SERGEF: variants seen among roughly 807,000 people sequenced by gnomAD.
The protein encoded by SERGEF is secretion-regulating guanine nucleotide exchange factor.
Under a neutral mutation model 50.0 loss-of-function variants are expected in SERGEF, and 51 were observed. The ratio of observed to expected loss-of-function variants is 1.02; its 90% CI spans 0.81 to 1.29. The LOEUF (loss-of-function observed/expected upper bound fraction) is 1.29, where lower values mean the gene tolerates loss of function less well. SERGEF is among the 50% of genes most tolerant of loss of function. The pLI, the probability that SERGEF is intolerant of heterozygous loss-of-function variation, is 0.00. For synonymous variants in SERGEF, 205 were observed against 212.4 expected (o/e 0.97, Z 0.30); for missense variants, 521 against 557.0 (o/e 0.94, Z 0.65).
intron 9 of SERGEF, among the ~76,000 whole-genome samples, chr11:17,886,053 G>C (rs1851422625): frequency 6.6e-6 from 1 of 152,084 alleles, no homozygotes; most frequent in South Asian, 2.1e-4. Context: ...CTGGATTTAA[G>C]TCCTGATGCC....
intron 10 of SERGEF, among the ~76,000 whole-genome samples, chr11:17,858,600 T>A (rs1850867663): frequency 6.6e-6 from 1 of 152,106 alleles, no homozygotes; most frequent in African/African-American, 2.4e-5. Context: ...TCATGTAGTA[T>A]CTCTTTTCAA....
chr11:17,811,412 T>C (rs1489440892), intron 10 of SERGEF, among the ~76,000 whole-genome samples: 1 of 152,236 alleles, frequency 6.6e-6, no homozygotes, highest in Admixed American at 6.5e-5. Context: ...AGACTTGTGA[T>C]GCAGGTTTAG....
At chr11:17,796,572 C>T (rs1849575258) in intron 10 of SERGEF, among the ~76,000 whole-genome samples, 2 of 152,176 alleles carry the variant, frequency 1.3e-5, no homozygotes, top group South Asian at 4.1e-4. Context: ...AGAAGGTCTT[C>T]CCCAGATGTG....
At chr11:17,979,826 G>T (rs148936690) in intron 8 of SERGEF, among the ~76,000 whole-genome samples, 1 of 152,220 alleles carries the variant, frequency 6.6e-6, no homozygotes, top group African/African-American at 2.4e-5. Context: ...GATGATCTTC[G>T]AAGTCCTTTT....
At chr11:17,984,345 C>G (rs148992835) in intron 8 of SERGEF, among the ~76,000 whole-genome samples, 2 of 152,138 alleles carry the variant, frequency 1.3e-5, no homozygotes, top group African/African-American at 4.8e-5. Context: ...GAAGCGGGAG[C>G]TTGGACATCA....
intron 10 of SERGEF, among the ~76,000 whole-genome samples, chr11:17,862,672 G>A (rs1378229731): frequency 6.6e-6 from 1 of 152,182 alleles, no homozygotes; most frequent in African/African-American, 2.4e-5. Context: ...ATACAGAGGG[G>A]CACTAGCATA....
chr11:18,009,348 G>T (rs1202213780), intron 1 of SERGEF, among the ~76,000 whole-genome samples: 1 of 152,076 alleles, frequency 6.6e-6, no homozygotes, highest in African/African-American at 2.4e-5. Flanking sequence ...CCCTTCTTAT[G>T]CTCCAGCCCC....
Position 17,809,186 on chromosome 11 carries a change from T to C in SERGEF, c.1049-20773A>G, listed in dbSNP as rs868809901. 1.3e-4 allele frequency among the ~76,000 whole-genome samples: 20 copies of C among 152,162 alleles called. No individual in the cohort carries two copies. The Middle Eastern group carries it at 0.01, about 78-fold the overall frequency. ...GGGAAGAAAGAGCATTCTAAGTAGA[T>C]AGAACAGTGGGAACAAAGACCTAGC... On this transcript the variant is annotated intron_variant, in intron 10 of 10. Transcript: ENST00000265965.
intron 9 of SERGEF, among the ~76,000 whole-genome samples, chr11:17,912,134 C>T (rs539695820): frequency 1.3e-5 from 2 of 152,208 alleles, no homozygotes; most frequent in South Asian, 4.1e-4. Flanking sequence ...GGGCTAAGAA[C>T]TGAATCTGGG....
intron 9 of SERGEF, among the ~76,000 whole-genome samples, chr11:17,882,774 G>A (rs1165222819): frequency 1.3e-5 from 2 of 152,160 alleles, no homozygotes; most frequent in African/African-American, 4.8e-5. Context: ...GACAGACCCT[G>A]ACATGCACAA....
intron 10 of SERGEF, among the ~76,000 whole-genome samples, chr11:17,798,796 T>C (rs1433025123): frequency 6.6e-6 from 1 of 152,228 alleles, no homozygotes; most frequent in Non-Finnish European, 1.5e-5. Flanking sequence ...CATATGGCGT[T>C]ATGGGCTTTT....
intron 9 of SERGEF, among the ~76,000 whole-genome samples, chr11:17,911,884 C>T (rs1851961247): frequency 6.6e-6 from 1 of 151,988 alleles, no homozygotes; most frequent in Admixed American, 6.6e-5. Context: ...AATGACAACT[C>T]ATTAATGGAA....
chr11:18,001,731 C>A (rs1216062572), intron 4 of SERGEF, among the ~76,000 whole-genome samples: 3 of 152,192 alleles, frequency 2.0e-5, no homozygotes, highest in African/African-American at 7.2e-5. Context: ...AAGCAAATAT[C>A]CCCCATTCAT....
At chr11:17,796,768 T>C (rs1849578036) in intron 10 of SERGEF, among the ~76,000 whole-genome samples, 2 of 152,160 alleles carry the variant, frequency 1.3e-5, no homozygotes, top group Admixed American at 1.3e-4. Context: ...AGGCAGGAGC[T>C]GAGGCAGCAG....
At chr11:17,828,293 G>T (rs906442440) in intron 10 of SERGEF, among the ~76,000 whole-genome samples, 4 of 152,310 alleles carry the variant, frequency 2.6e-5, no homozygotes, top group Middle Eastern at 6.8e-3. Flanking sequence ...CTTCCTTCAA[G>T]AATTTTCTCT....
At chr11:17,862,550 C>T (rs894074069) in intron 10 of SERGEF, among the ~76,000 whole-genome samples, 22 of 152,252 alleles carry the variant, frequency 1.4e-4, no homozygotes, top group African/African-American at 4.6e-4. Flanking sequence ...AGGGACAGCA[C>T]GGTGAATGAA....
chr11:17,796,961 G>C (rs1849582042), intron 10 of SERGEF, among the ~76,000 whole-genome samples: 1 of 152,212 alleles, frequency 6.6e-6, no homozygotes, highest in African/African-American at 2.4e-5. Context: ...GAGTAGATGG[G>C]GGGTGAGGGT....
intron 9 of SERGEF, among the ~76,000 whole-genome samples, chr11:17,890,822 C>T (rs1851518936): frequency 6.6e-6 from 1 of 152,088 alleles, no homozygotes; most frequent in South Asian, 2.1e-4. Flanking sequence ...GAACCTGTAA[C>T]ATCTTGTGTC....
intron 10 of SERGEF, among the ~76,000 whole-genome samples, chr11:17,860,116 G>T (rs1850900501): frequency 6.6e-6 from 1 of 152,182 alleles, no homozygotes; most frequent in Non-Finnish European, 1.5e-5. Context: ...TGGGGGTGGG[G>T]AGACTGCTGA....
Sources: allele counts gnomAD v4.1 joint callset (sites outside exome capture counted in the v4.1 genomes callset), GRCh38; gene constraint gnomAD v4.1.1; transcripts MANE v1.5; gene names NCBI Gene and HGNC (gene_info 2026-07-23, HGNC 2026-07-21).